Variants in NAALADL2 observed in about 807,000 individuals in gnomAD.
NAALADL2 encodes the protein N-acetylated alpha-linked acidic dipeptidase like 2.
Under a neutral mutation model 87.2 loss-of-function variants are expected in NAALADL2, and 76 were observed. The observed-to-expected ratio is 0.87, with a 90% confidence interval of 0.72 to 1.05. The LOEUF (loss-of-function observed/expected upper bound fraction) is 1.05. Ranked by LOEUF, NAALADL2 falls within the 50% of genes least tolerant of loss-of-function variation. The pLI, the probability that NAALADL2 is intolerant of heterozygous loss-of-function variation, is 0.00. For missense variants in NAALADL2, 1,089 were observed against 945.8 expected (o/e 1.15, Z -1.99); for synonymous variants, 354 against 331.0 (o/e 1.07, Z -0.75).
At chr3:175,415,838 G>T (rs376951020) in intron 5 of NAALADL2, among the ~76,000 whole-genome samples, 4 of 151,650 alleles carry the variant, frequency 2.6e-5, no homozygotes, top group African/African-American at 4.8e-5. Context: ...TTCAGATTGG[G>T]TGTGGTGGCT....
intron 2 of NAALADL2, among the ~76,000 whole-genome samples, chr3:174,671,302 C>G (rs1005974743): frequency 2.6e-5 from 4 of 152,040 alleles, no homozygotes; most frequent in African/African-American, 9.7e-5. Context: ...CAAGGAAGTT[C>G]TATAACTTAT....
chr3:175,517,879 C>A (rs1435448422), intron 9 of NAALADL2, among the ~76,000 whole-genome samples: 4 of 152,080 alleles, frequency 2.6e-5, no homozygotes, highest in Non-Finnish European at 4.4e-5. Context: ...ACATAGGGAT[C>A]GCAGATTGGT....
At chr3:174,734,017 C>A (rs1311655069) in intron 2 of NAALADL2, among the ~76,000 whole-genome samples, 1 of 152,034 alleles carries the variant, frequency 6.6e-6, no homozygotes, top group Non-Finnish European at 1.5e-5. Context: ...GGGTCAATTT[C>A]CATATTTATC....
At chr3:175,053,762 A>G (rs1223300608) in intron 1 of NAALADL2, among the ~76,000 whole-genome samples, 1 of 152,222 alleles carries the variant, frequency 6.6e-6, no homozygotes, top group South Asian at 2.1e-4. Flanking sequence ...AACATGAGGA[A>G]TGTACCATTT....
chr3:175,324,882 T>A (rs73881461), intron 5 of NAALADL2, among the ~76,000 whole-genome samples: 4,326 of 152,290 alleles, frequency 0.028, 186 homozygotes, highest in African/African-American at 0.1. Context: ...AGCAAATATC[T>A]TTCTTTTTCC....
At chr3:175,293,638 G>A (rs966829114) in intron 4 of NAALADL2, among the ~76,000 whole-genome samples, 129 of 152,102 alleles carry the variant, frequency 8.5e-4, no homozygotes, top group African/African-American at 2.9e-3. Flanking sequence ...TCATAAACGG[G>A]ATCAATGCCC....
At chr3:175,306,866 A>C (rs2110269120) in intron 4 of NAALADL2, among the ~76,000 whole-genome samples, 1 of 152,200 alleles carries the variant, frequency 6.6e-6, no homozygotes, top group African/African-American at 2.4e-5. Flanking sequence ...CTATTCTAGA[A>C]TCATTACTCC....
chr3:175,705,575 G>C (rs1274847952), intron 11 of NAALADL2, among the ~76,000 whole-genome samples: 3 of 151,826 alleles, frequency 2.0e-5, no homozygotes, highest in Non-Finnish European at 4.4e-5. Flanking sequence ...AACTAACACT[G>C]ATTGGGTGTC....
intron 4 of NAALADL2, among the ~76,000 whole-genome samples, chr3:175,302,826 G>A (rs59097056): frequency 9.8e-5 from 10 of 101,800 alleles, no homozygotes; most frequent in South Asian, 7.9e-4. Flanking sequence ...CTGTCGAAAC[G>A]TGTGTGTATA....
At chr3:175,734,759 C>T (rs1195523286) in intron 11 of NAALADL2, among the ~76,000 whole-genome samples, 4 of 152,126 alleles carry the variant, frequency 2.6e-5, no homozygotes, top group Non-Finnish European at 5.9e-5. Flanking sequence ...CAAGACTGCA[C>T]ACAGCAGAGG....
intron 2 of NAALADL2, among the ~76,000 whole-genome samples, chr3:174,610,026 T>C: frequency 6.6e-6 from 1 of 152,076 alleles, no homozygotes. Context: ...TACAACTATC[T>C]GATCTTTGAC....
At chr3:175,511,691 T>C (rs2149395689) in intron 9 of NAALADL2, among the ~76,000 whole-genome samples, 1 of 152,324 alleles carries the variant, frequency 6.6e-6, no homozygotes, top group Non-Finnish European at 1.5e-5. Flanking sequence ...TGGTAACTAA[T>C]GTGTGGAAAG....
intron 2 of NAALADL2, among the ~76,000 whole-genome samples, chr3:174,731,292 A>G (rs975514012): frequency 2.0e-5 from 3 of 152,076 alleles, no homozygotes; most frequent in Non-Finnish European, 4.4e-5. Flanking sequence ...CTTCTCTGCT[A>G]TATTGCTTTG....
In NAALADL2 at chr3:175,576,028, TTA is replaced by T; in HGVS notation, c.1654-11_1654-10del. The T allele has an allele frequency of 2.5e-6, 4 of 1,607,796 alleles. No individual in the cohort carries two copies. The highest frequency in any genetic ancestry group is 3.4e-6 in the Non-Finnish European group (4 of 1,176,878). On this transcript the variant is annotated splice_polypyrimidine_tract_variant and intron_variant, in intron 9 of 13. Transcript: ENST00000454872. ...GCATAGTATGTGTTAACAATTTAAA[TTA>T]TGTTTTTCAGAAAAATAATTTCAAC...
rs1354029773 is a variant in NAALADL2, at chr3:175,759,819, CTGAA to C, written c.2189+4404_2189+4407del. On this transcript the variant is annotated intron_variant, in intron 13 of 13. Transcript: ENST00000454872. ...AGTGAAGTACAAAAGGTAGAGTAGT[CTGAA>C]TGGTTATTGGGTTAGTGGTTATGGA... Among the ~76,000 whole-genome samples the C allele has an allele frequency of 2.0e-5, 3 of 152,208 alleles. No individual in the cohort carries two copies. In the East Asian group the frequency reaches 5.8e-4, roughly 29 times the overall value.
At chr3:175,037,184 G>A (rs1753521130) in intron 1 of NAALADL2, among the ~76,000 whole-genome samples, 1 of 152,122 alleles carries the variant, frequency 6.6e-6, no homozygotes, top group South Asian at 2.1e-4. Flanking sequence ...GATGATCTAA[G>A]GTGCCAGCTT....
intron 2 of NAALADL2, among the ~76,000 whole-genome samples, chr3:174,634,069 A>G (rs930727695): frequency 6.6e-6 from 1 of 152,208 alleles, no homozygotes; most frequent in African/African-American, 2.4e-5. Flanking sequence ...TTTTGGTGCC[A>G]ACAAATACAT....
At chr3:174,557,050 T>G (rs1712917004) in intron 2 of NAALADL2, among the ~76,000 whole-genome samples, 1 of 152,176 alleles carries the variant, frequency 6.6e-6, no homozygotes, top group Non-Finnish European at 1.5e-5. Flanking sequence ...CCAGCTACAT[T>G]TTTACAGAAA....
intron 4 of NAALADL2, among the ~76,000 whole-genome samples, chr3:175,283,119 T>G (rs1754523539): frequency 6.6e-6 from 1 of 152,076 alleles, no homozygotes; most frequent in Non-Finnish European, 1.5e-5. Flanking sequence ...AAATTGTTTC[T>G]AAAACTTGAT....
Sources: gnomAD v4.1 joint callset for allele counts (sites outside exome capture counted in the v4.1 genomes callset) on GRCh38, gnomAD v4.1.1 for gene constraint, MANE v1.5 for transcripts, NCBI Gene and HGNC (gene_info 2026-07-23, HGNC 2026-07-21) for gene names.